Variants in ERBB4 observed in about 807,000 individuals in gnomAD.
ERBB4 encodes receptor tyrosine-protein kinase erbB-4.
Under a neutral mutation model 158.0 loss-of-function variants are expected in ERBB4, and 42 were observed. That is an observed-to-expected ratio of 0.27 (90% confidence interval 0.21 to 0.34). The LOEUF (loss-of-function observed/expected upper bound fraction) is 0.34, where lower values mean the gene tolerates loss of function less well. Ranked by LOEUF, ERBB4 falls within the 10% of genes least tolerant of loss-of-function variation. The probability of loss-of-function intolerance (pLI) is 1.00; values close to 1 mark genes in which losing one functional copy is unlikely to be tolerated. For synonymous variants in ERBB4, 583 were observed against 558.7 expected (o/e 1.04, Z -0.61); for missense variants, 1,333 against 1,624.1 (o/e 0.82, Z 3.08).
intron 22 of ERBB4, among the ~76,000 whole-genome samples, chr2:211,427,869 G>T (rs2063663515): frequency 6.8e-6 from 1 of 147,846 alleles, no homozygotes; most frequent in Non-Finnish European, 1.5e-5. Context: ...GATCAGGCAA[G>T]TTCCTACAAA....
chr2:211,841,962 C>T (rs1319452527), intron 3 of ERBB4, among the ~76,000 whole-genome samples: 1 of 151,840 alleles, frequency 6.6e-6, no homozygotes, highest in African/African-American at 2.4e-5. Context: ...ATTCATGTTT[C>T]AATAATTTTT....
intron 19 of ERBB4, among the ~76,000 whole-genome samples, chr2:211,592,074 C>G (rs889779566): frequency 1.3e-5 from 2 of 152,094 alleles, no homozygotes; most frequent in African/African-American, 4.8e-5. Context: ...CTAGTTAAAA[C>G]AATTTTACAG....
At chr2:212,303,776 G>T (rs112484164) in intron 1 of ERBB4, among the ~76,000 whole-genome samples, 2,220 of 151,562 alleles carry the variant, frequency 0.015, 51 homozygotes, top group African/African-American at 0.051. Flanking sequence ...TACTAGCCAT[G>T]TTCTTGTTTT....
intron 1 of ERBB4, among the ~76,000 whole-genome samples, chr2:212,427,347 T>G (rs1304381645): frequency 2.6e-5 from 4 of 152,168 alleles, no homozygotes; most frequent in Non-Finnish European, 4.4e-5. Context: ...TCAGTCCTGG[T>G]ACTTGGACTT....
chr2:211,886,239 T>G (rs898434291), intron 3 of ERBB4, among the ~76,000 whole-genome samples: 1 of 152,210 alleles, frequency 6.6e-6, no homozygotes, highest in African/African-American at 2.4e-5. Context: ...CTGACCATCC[T>G]ATTTAAAATT....
At chr2:212,003,148 GGAAAGAAAGAAA>G (rs1327750603) in intron 2 of ERBB4, among the ~76,000 whole-genome samples, 7 of 15,194 alleles carry the variant, frequency 4.6e-4, no homozygotes, top group Admixed American at 1.0e-3. Context: ...AAGGAAGGAA[GGAAAGAAAGAAA>G]GAAAGAAAGA....
chr2:211,733,678 C>CA (rs34092994), intron 5 of ERBB4, among the ~76,000 whole-genome samples: 20 of 148,314 alleles, frequency 1.3e-4, no homozygotes, highest in East Asian at 3.9e-4. Context: ...AAACAAAAAC[C>CA]AAAAAAAAAA....
chr2:211,489,926 G>A (rs933225522), intron 20 of ERBB4, among the ~76,000 whole-genome samples: 1 of 152,024 alleles, frequency 6.6e-6, no homozygotes, highest in Non-Finnish European at 1.5e-5. Context: ...GTGTTACTGA[G>A]AAAATAGAAG....
At position 211,531,266 on chromosome 2, in the gene ERBB4, T is replaced by C. The variant is rs540507256; in HGVS notation, c.2487+30637A>G. ...AGACACTGGAGTGGGCAGAGATTTA[T>C]TGAGTAATACTCTGCAAGCACAGGT... is the stretch of plus-strand genomic sequence containing the variant. On this transcript the variant is annotated intron_variant, in intron 20 of 27. Coordinates refer to ENST00000342788, the MANE Select transcript of ERBB4 (RefSeq NM_005235.3). Among the ~76,000 whole-genome samples, 35 of 152,254 alleles carry C rather than the reference T, an allele frequency of 2.3e-4. No homozygotes were observed. In the South Asian group the frequency reaches 6.4e-3, roughly 28 times the overall value.
chr2:212,243,685 T>G (rs1022533669), intron 1 of ERBB4, among the ~76,000 whole-genome samples: 3 of 152,124 alleles, frequency 2.0e-5, no homozygotes, highest in Non-Finnish European at 4.4e-5. Flanking sequence ...GAATTTCAGT[T>G]CTGGGGGTCA....
At chr2:211,983,627 C>T (rs1313186196) in intron 2 of ERBB4, among the ~76,000 whole-genome samples, 1 of 152,158 alleles carries the variant, frequency 6.6e-6, no homozygotes, top group Non-Finnish European at 1.5e-5. Flanking sequence ...TATAAAGTGA[C>T]TGATTCCACA....
chr2:211,926,176 C>T (rs747137747), intron 3 of ERBB4, among the ~76,000 whole-genome samples: 16 of 152,208 alleles, frequency 1.1e-4, no homozygotes, highest in Non-Finnish European at 2.1e-4. Context: ...CACAAACACA[C>T]GCATTATTTT....
At chr2:211,475,213 G>A (rs1370745989) in intron 20 of ERBB4, among the ~76,000 whole-genome samples, 1 of 152,054 alleles carries the variant, frequency 6.6e-6, no homozygotes. Context: ...TAATTTAGAG[G>A]AAAAGGGCAG....
At chr2:212,340,273 C>T (rs2088642615) in intron 1 of ERBB4, among the ~76,000 whole-genome samples, 1 of 152,004 alleles carries the variant, frequency 6.6e-6, no homozygotes, top group African/African-American at 2.4e-5. Context: ...GCAATGGTCC[C>T]CAACCTTTCG....
intron 3 of ERBB4, among the ~76,000 whole-genome samples, chr2:211,934,926 T>A (rs1453212225): frequency 1.6e-4 from 14 of 86,640 alleles, no homozygotes; most frequent in Non-Finnish European, 1.8e-4. Flanking sequence ...CTCATTCAGC[T>A]AAAAAAAAAA....
intron 8 of ERBB4, among the ~76,000 whole-genome samples, chr2:211,712,457 A>C (rs961763778): frequency 2.0e-5 from 3 of 152,168 alleles, no homozygotes; most frequent in African/African-American, 7.2e-5. Context: ...CACATACATA[A>C]GTCTTACAGA....
chr2:212,416,664 A>G (rs1243699635), intron 1 of ERBB4, among the ~76,000 whole-genome samples: 1 of 152,098 alleles, frequency 6.6e-6, no homozygotes, highest in Non-Finnish European at 1.5e-5. Flanking sequence ...TTCAACCCTT[A>G]CATCATTATT....
intron 1 of ERBB4, among the ~76,000 whole-genome samples, chr2:212,332,075 T>C (rs1413934367): frequency 2.6e-5 from 4 of 152,028 alleles, no homozygotes; most frequent in South Asian, 2.1e-4. Flanking sequence ...TTTGGCTGTG[T>C]CCCTACCCAA....
intron 1 of ERBB4, among the ~76,000 whole-genome samples, chr2:212,293,626 T>C (rs948943414): frequency 3.9e-5 from 6 of 152,126 alleles, no homozygotes; most frequent in Admixed American, 1.3e-4. Context: ...GGCAGGTAGA[T>C]TGCTTAAGGC....
Sources: gnomAD v4.1 joint callset for allele counts (sites outside exome capture counted in the v4.1 genomes callset) on GRCh38, gnomAD v4.1.1 for gene constraint, MANE v1.5 for transcripts, NCBI Gene and HGNC (gene_info 2026-07-23, HGNC 2026-07-21) for gene names.